RNF13: variants seen among roughly 807,000 people sequenced by gnomAD.
RNF13 encodes E3 ubiquitin-protein ligase RNF13.
RNF13 carries 19 observed loss-of-function variants against 37.7 expected under a neutral mutation model. That is an observed-to-expected ratio of 0.50 (90% confidence interval 0.35 to 0.74). The LOEUF (loss-of-function observed/expected upper bound fraction) is 0.74, where lower values mean the gene tolerates loss of function less well. RNF13 is among the 30% of genes least tolerant of loss of function. RNF13 has a pLI of 0.01. For missense variants in RNF13, 375 were observed against 453.0 expected, an observed-to-expected ratio of 0.83 and a Z score of 1.56; for synonymous variants, 144 against 157.8, an observed-to-expected ratio of 0.91 and a Z score of 0.65.
chr3:149,950,489 G>C (rs914022616), intron 8 of RNF13, among the ~76,000 whole-genome samples: 9 of 152,152 alleles, frequency 5.9e-5, no homozygotes, highest in African/African-American at 2.2e-4. Flanking sequence ...TTAAAATTAG[G>C]ACAGAGCGAA....
intron 1 of RNF13, among the ~76,000 whole-genome samples, chr3:149,829,853 G>A (rs1029077001): frequency 2.6e-5 from 4 of 152,090 alleles, no homozygotes; most frequent in African/African-American, 9.7e-5. Flanking sequence ...GGAGGGACGT[G>A]GTGGGAGGTA....
At chr3:149,817,707 A>G (rs1719607435) in intron 1 of RNF13, among the ~76,000 whole-genome samples, 1 of 152,218 alleles carries the variant, frequency 6.6e-6, no homozygotes, top group Non-Finnish European at 1.5e-5. Flanking sequence ...CCCATTCTGT[A>G]AAACCATGTT....
At chr3:149,820,864 AT>A (rs1319312305) in intron 1 of RNF13, among the ~76,000 whole-genome samples, 1 of 152,174 alleles carries the variant, frequency 6.6e-6, no homozygotes, top group African/African-American at 2.4e-5. Context: ...GGATTTACTT[AT>A]TCTGGATATT....
At chr3:149,833,899 A>G (rs1161599440) in intron 1 of RNF13, among the ~76,000 whole-genome samples, 2 of 152,228 alleles carry the variant, frequency 1.3e-5, no homozygotes, top group Admixed American at 1.3e-4. Context: ...TGATAGAACT[A>G]TTAATAATAA....
At chr3:149,959,225 G>A (rs1014367973) in intron 8 of RNF13, among the ~76,000 whole-genome samples, 3 of 152,132 alleles carry the variant, frequency 2.0e-5, no homozygotes, top group Non-Finnish European at 2.9e-5. Context: ...AAAAGCTGCT[G>A]TATTTAAAAA....
At chr3:149,912,439 A>G (rs988339807) in intron 7 of RNF13, among the ~76,000 whole-genome samples, 1 of 152,124 alleles carries the variant, frequency 6.6e-6, no homozygotes, top group African/African-American at 2.4e-5. Flanking sequence ...TTATATGTAA[A>G]TTTTACCTCA....
intron 4 of RNF13, among the ~76,000 whole-genome samples, chr3:149,875,997 C>T (rs911701664): frequency 5.3e-5 from 2 of 37,856 alleles, no homozygotes; most frequent in African/African-American, 2.3e-4. Context: ...GTAAAAATAC[C>T]TAGTAATTGA....
At chr3:149,857,055 CT>C (rs1268390159) in intron 3 of RNF13, among the ~76,000 whole-genome samples, 5 of 152,124 alleles carry the variant, frequency 3.3e-5, no homozygotes, top group Admixed American at 6.5e-5. Flanking sequence ...CCCAAAATAT[CT>C]TACTTTTAAA....
At chr3:149,899,666 TAA>T (rs1576844824) in intron 5 of RNF13, among the ~76,000 whole-genome samples, 1 of 152,164 alleles carries the variant, frequency 6.6e-6, no homozygotes, top group Admixed American at 6.5e-5. Context: ...TATTAGTAGT[TAA>T]AGTCATGAGA....
At chr3:149,813,093 G>A (rs1559880840), upstream of RNF13, 1 of 152,320 alleles carries the variant, frequency 6.6e-6, no homozygotes, top group African/African-American at 2.4e-5. Context: ...CCGGGCTAGA[G>A]CAAGTAGCGA....
chr3:149,889,145 G>A (rs1324139828), intron 4 of RNF13, among the ~76,000 whole-genome samples: 1 of 151,748 alleles, frequency 6.6e-6, no homozygotes, highest in East Asian at 1.9e-4. Context: ...CACCATGTTG[G>A]CCAGGATGGT....
chr3:149,947,079 GT>G (rs199793062), intron 8 of RNF13, among the ~76,000 whole-genome samples: 1 of 151,358 alleles, frequency 6.6e-6, no homozygotes, highest in African/African-American at 2.4e-5. Context: ...CCTGTTTTTT[GT>G]TTTTTTTGCT....
intron 8 of RNF13, among the ~76,000 whole-genome samples, chr3:149,950,521 C>T (rs943505827): frequency 1.3e-5 from 2 of 152,154 alleles, no homozygotes; most frequent in African/African-American, 2.4e-5. Flanking sequence ...GGTACCTAAG[C>T]TGGAATGCAG....
intron 8 of RNF13, among the ~76,000 whole-genome samples, chr3:149,940,261 A>G (rs1194460149): frequency 6.6e-6 from 1 of 152,176 alleles, no homozygotes; most frequent in Non-Finnish European, 1.5e-5. Flanking sequence ...TGACTTTCAA[A>G]TAACACTATA....
intron 1 of RNF13, among the ~76,000 whole-genome samples, chr3:149,819,938 A>G (rs1719861805): frequency 6.6e-6 from 1 of 152,214 alleles, no homozygotes; most frequent in Non-Finnish European, 1.5e-5. Flanking sequence ...CTTTGAAATA[A>G]AGTCTGAGGA....
chr3:149,903,069 A>G (rs1215253385), intron 6 of RNF13, among the ~76,000 whole-genome samples: 3 of 152,148 alleles, frequency 2.0e-5, no homozygotes, highest in Non-Finnish European at 4.4e-5. Context: ...GAAAATGCAT[A>G]AAAAGAAGAG....
intron 3 of RNF13, among the ~76,000 whole-genome samples, chr3:149,866,286 C>A (rs1009668163): frequency 6.6e-6 from 1 of 151,862 alleles, no homozygotes; most frequent in Admixed American, 6.6e-5. Flanking sequence ...CTGCTGGTTG[C>A]CCATTTTTAT....
intron 4 of RNF13, among the ~76,000 whole-genome samples, chr3:149,892,059 A>T (rs2108485496): frequency 6.6e-6 from 1 of 152,360 alleles, no homozygotes; most frequent in East Asian, 1.9e-4. Flanking sequence ...AAACAACAAC[A>T]AAAACCTTGG....
chr3:149,897,170 G>A (rs563937939), intron 5 of RNF13, among the ~76,000 whole-genome samples: 38 of 152,154 alleles, frequency 2.5e-4, no homozygotes, highest in African/African-American at 7.5e-4. Flanking sequence ...GAAAGCATGC[G>A]TAGTCTGGAA....
Sources: gnomAD v4.1 joint callset for allele counts (sites outside exome capture counted in the v4.1 genomes callset) on GRCh38, gnomAD v4.1.1 for gene constraint, MANE v1.5 for transcripts, NCBI Gene and HGNC (gene_info 2026-07-23, HGNC 2026-07-21) for gene names.